HOMER2: variants seen among roughly 807,000 people sequenced by gnomAD.
HOMER2 encodes the protein homer scaffold protein 2.
In HOMER2, 27 loss-of-function variants were observed where a neutral mutation model predicts 47.0. The observed-to-expected ratio is 0.57, with a 90% CI of 0.42 to 0.79. The LOEUF (loss-of-function observed/expected upper bound fraction) is 0.79, where lower values mean the gene tolerates loss of function less well. Among genes scored for constraint, HOMER2 ranks in the 30% least tolerant of loss-of-function variants. The pLI is 0.00. For missense variants in HOMER2, 443 were observed against 435.0 expected (o/e 1.02, Z -0.16); for synonymous variants, 161 against 163.8 (o/e 0.98, Z 0.13).
chr15:82,950,341 G>C (rs1023357458), intron 1 of HOMER2, among the ~76,000 whole-genome samples: 6 of 152,196 alleles, frequency 3.9e-5, no homozygotes, highest in African/African-American at 7.2e-5. Flanking sequence ...AGCATCTCAA[G>C]TTGGGGGGAG....
intron 1 of HOMER2, among the ~76,000 whole-genome samples, chr15:82,973,964 G>C (rs2030104017): frequency 6.6e-6 from 1 of 152,194 alleles, no homozygotes; most frequent in Non-Finnish European, 1.5e-5. Flanking sequence ...TACTCGGGAG[G>C]CTGAGGCAGG....
At chr15:82,912,745 A>G (rs1004484618) in intron 1 of HOMER2, among the ~76,000 whole-genome samples, 1 of 152,110 alleles carries the variant, frequency 6.6e-6, no homozygotes, top group Non-Finnish European at 1.5e-5. Context: ...ATTCTCACCA[A>G]CACTTGTTAT....
intron 1 of HOMER2, among the ~76,000 whole-genome samples, chr15:82,917,204 T>C (rs990513782): frequency 1.3e-5 from 2 of 152,254 alleles, no homozygotes; most frequent in South Asian, 4.1e-4. Flanking sequence ...ATCCCATTAT[T>C]GAAAGAGTTT....
chr15:82,960,171 G>C (rs983260747), intron 1 of HOMER2, among the ~76,000 whole-genome samples: 1 of 152,178 alleles, frequency 6.6e-6, no homozygotes, highest in African/African-American at 2.4e-5. Context: ...CTTCCAACCG[G>C]AGACGTTGGG....
downstream of HOMER2, chr15:82,836,876 G>C (rs2051133100): frequency 6.6e-6 from 1 of 152,260 alleles, no homozygotes; most frequent in Non-Finnish European, 1.5e-5. Flanking sequence ...TCAGACCATA[G>C]GGTGTGTAAA....
Position 82,864,752 on chromosome 15 carries a change from T to C in HOMER2, c.295-493A>G, listed in dbSNP as rs2051910503. ...AGGTAATGTGTATATGGGTGTTCATTATACTATGCCCTCCACTTTTTATTA... is the reference window on the plus strand; with the variant it reads ...AGGTAATGTGTATATGGGTGTTCATCATACTATGCCCTCCACTTTTTATTA... On this transcript the variant is annotated intron_variant, in intron 3 of 8. Coordinates refer to ENST00000450735, the MANE Select transcript of HOMER2 (RefSeq NM_004839.4). 2.0e-5 allele frequency among the ~76,000 whole-genome samples: 3 copies of C among 152,238 alleles called. No homozygotes were observed. In the South Asian group the frequency reaches 6.2e-4, roughly 32 times the overall value.
At chr15:82,856,204 G>A (rs187129810) in intron 5 of HOMER2, among the ~76,000 whole-genome samples, 4 of 152,308 alleles carry the variant, frequency 2.6e-5, no homozygotes, top group Non-Finnish European at 4.4e-5. Flanking sequence ...TAGGGAAATA[G>A]CTTCCTGCCC....
At chr15:82,839,927 A>G (rs532563201) in exon 2 of HOMER2, 28 of 152,324 alleles carry the variant, frequency 1.8e-4, no homozygotes, top group Non-Finnish European at 2.9e-4. Context: ...CACAAATTGT[A>G]CAGGCCATAC....
At chr15:82,896,539 A>T (rs1211433749) in intron 1 of HOMER2, among the ~76,000 whole-genome samples, 1 of 152,226 alleles carries the variant, frequency 6.6e-6, no homozygotes, top group Admixed American at 6.5e-5. Flanking sequence ...CTCTTGGTCA[A>T]CATGGTCAGG....
exon 2 of HOMER2, chr15:82,958,601 C>T (rs527273103): frequency 6.6e-6 from 1 of 152,502 alleles, no homozygotes; most frequent in East Asian, 1.9e-4. Context: ...TGTGGAAAGG[C>T]AGGCTGGAGG....
chr15:82,947,760 A>G (rs1770454031), intron 1 of HOMER2, among the ~76,000 whole-genome samples: 1 of 152,230 alleles, frequency 6.6e-6, no homozygotes, highest in Admixed American at 6.5e-5. Flanking sequence ...GCCAGCATCC[A>G]AGCAAGGCTG....
chr15:82,860,994 A>AGAGAGAGAG (rs2051768926), intron 4 of HOMER2, among the ~76,000 whole-genome samples: 1 of 148,310 alleles, frequency 6.7e-6, no homozygotes, highest in African/African-American at 2.5e-5. Context: ...AGCGAAAGAG[A>AGAGAGAGAG]AAGGAAAGAA....
chr15:82,838,561 C>T (rs971445103), exon 2 of HOMER2: 1 of 152,346 alleles, frequency 6.6e-6, no homozygotes, highest in African/African-American at 2.4e-5. Context: ...CCAAGTACAG[C>T]TTCATGGAGA....
At chr15:82,899,911 A>G (rs1000999766) in intron 1 of HOMER2, among the ~76,000 whole-genome samples, 2 of 152,186 alleles carry the variant, frequency 1.3e-5, no homozygotes, top group Admixed American at 6.5e-5. Context: ...AATCCCAGCT[A>G]CTTGGGAGGC....
At chr15:82,873,553 G>A (rs1343733235) in intron 3 of HOMER2, among the ~76,000 whole-genome samples, 1 of 152,228 alleles carries the variant, frequency 6.6e-6, no homozygotes, top group East Asian at 1.9e-4. Context: ...CACAAGCCCA[G>A]GAAGTGAGGG....
intron 1 of HOMER2, among the ~76,000 whole-genome samples, chr15:82,950,975 C>G (rs549495643): frequency 6.6e-6 from 1 of 152,056 alleles, no homozygotes; most frequent in Non-Finnish European, 1.5e-5. Flanking sequence ...TTAAAATTAC[C>G]GGATCCCTTT....
At chr15:82,852,953 T>C (rs1477759991) in intron 6 of HOMER2, among the ~76,000 whole-genome samples, 24 of 152,178 alleles carry the variant, frequency 1.6e-4, no homozygotes, top group Non-Finnish European at 2.9e-5. Flanking sequence ...CACACTGCCA[T>C]TGAATGCTGG....
intron 1 of HOMER2, among the ~76,000 whole-genome samples, chr15:82,983,989 T>C (rs1489163702): frequency 1.3e-5 from 2 of 152,078 alleles, no homozygotes; most frequent in African/African-American, 4.8e-5. Context: ...CGCTAACCAA[T>C]TGCACTACTG....
chr15:82,935,761 C>G (rs2054127860), intron 1 of HOMER2, among the ~76,000 whole-genome samples: 1 of 152,210 alleles, frequency 6.6e-6, no homozygotes, highest in Non-Finnish European at 1.5e-5. Context: ...ACAAATCCAT[C>G]TGCAAGCCTT....
Sources: gnomAD v4.1 joint callset for allele counts (sites outside exome capture counted in the v4.1 genomes callset) on GRCh38, gnomAD v4.1.1 for gene constraint, MANE v1.5 for transcripts, NCBI Gene and HGNC (gene_info 2026-07-23, HGNC 2026-07-21) for gene names.